Variants in NFATC3 observed in about 807,000 individuals in gnomAD.
The protein encoded by NFATC3 is nuclear factor of activated T-cells, cytoplasmic 3.
A neutral mutation model predicts 98.6 loss-of-function variants in NFATC3; 46 were observed. The observed-to-expected ratio is 0.47, with a 90% CI of 0.37 to 0.60. The LOEUF (loss-of-function observed/expected upper bound fraction) is 0.60, where lower values mean the gene tolerates loss of function less well. Ranked by LOEUF, NFATC3 falls within the 20% of genes least tolerant of loss-of-function variation. The probability of loss-of-function intolerance (pLI) is 0.00; values close to 1 mark genes in which losing one functional copy is unlikely to be tolerated. For missense variants in NFATC3, 1,256 were observed against 1,295.5 expected, an observed-to-expected ratio of 0.97 and a Z score of 0.47; for synonymous variants, 512 against 472.2, an observed-to-expected ratio of 1.08 and a Z score of -1.09.
At chr16:68,193,353 G>A (rs2040527214) in intron 9 of NFATC3, among the ~76,000 whole-genome samples, 1 of 152,134 alleles carries the variant, frequency 6.6e-6, no homozygotes, top group South Asian at 2.1e-4. Flanking sequence ...ACCAAATCAT[G>A]CATGCTCAAG....
intron 4 of NFATC3, among the ~76,000 whole-genome samples, chr16:68,161,135 C>T (rs1271719308): frequency 3.9e-5 from 6 of 152,178 alleles, no homozygotes; most frequent in African/African-American, 1.4e-4. Flanking sequence ...CATGCCCAAC[C>T]TCTGAATGAG....
chr16:68,106,516 TCCTGA>T lies in NFATC3; in HGVS notation c.104-15467_104-15463del, dbSNP rs1255319339. On this transcript the variant is annotated intron_variant, in intron 1 of 9. Transcript: ENST00000346183. ...CCTGTTGTCCAGGCTGGTCTCAAAC[TCCTGA>T]CCTTGTGATCTGCCCGCCTCGGCCT... Among the ~76,000 whole-genome samples, 8 of 152,136 alleles carry T rather than the reference TCCTGA, an allele frequency of 5.3e-5. No homozygotes were observed. In the South Asian group the frequency reaches 8.3e-4, roughly 16 times the overall value.
intron 2 of NFATC3, among the ~76,000 whole-genome samples, chr16:68,124,541 T>TCTC (rs2036733753): frequency 1.3e-5 from 2 of 151,150 alleles, no homozygotes; most frequent in Non-Finnish European, 2.9e-5. Context: ...CACCTACCAT[T>TCTC]CTCCTGCCTC....
intron 4 of NFATC3, among the ~76,000 whole-genome samples, chr16:68,163,667 G>A (rs1319667771): frequency 6.7e-6 from 1 of 149,254 alleles, no homozygotes; most frequent in African/African-American, 2.5e-5. Context: ...CGGGCGGAGG[G>A]TCTCCTCACT....
intron 3 of NFATC3, among the ~76,000 whole-genome samples, chr16:68,144,176 A>G (rs952754603): frequency 5.3e-5 from 8 of 152,218 alleles, no homozygotes; most frequent in African/African-American, 1.7e-4. Context: ...AAAAGATGCC[A>G]AAGACATGAA....
chr16:68,136,202 T>G (rs2037395985), intron 3 of NFATC3, among the ~76,000 whole-genome samples: 1 of 152,252 alleles, frequency 6.6e-6, no homozygotes, highest in Non-Finnish European at 1.5e-5. Context: ...GTGCTGCTAT[T>G]AATTGTAATA....
intron 3 of NFATC3, among the ~76,000 whole-genome samples, chr16:68,149,347 A>G (rs141876578): frequency 0.011 from 1,698 of 152,358 alleles, 10 homozygotes; most frequent in Middle Eastern, 0.024. Context: ...GTCCAGTAGA[A>G]GAGACCTGTA....
intron 9 of NFATC3, among the ~76,000 whole-genome samples, chr16:68,203,873 A>C (rs547600216): frequency 4.6e-5 from 7 of 152,156 alleles, no homozygotes; most frequent in Non-Finnish European, 8.8e-5. Flanking sequence ...CAACATGGTG[A>C]AACTTCGTCT....
At chr16:68,148,235 C>T (rs1452072302) in intron 3 of NFATC3, among the ~76,000 whole-genome samples, 2 of 152,066 alleles carry the variant, frequency 1.3e-5, no homozygotes, top group Non-Finnish European at 2.9e-5. Context: ...AGGCTGGTCT[C>T]GAACTCCCGA....
At chr16:68,150,771 G>A (rs1191819213) in intron 3 of NFATC3, among the ~76,000 whole-genome samples, 1 of 152,178 alleles carries the variant, frequency 6.6e-6, no homozygotes, top group Admixed American at 6.5e-5. Flanking sequence ...GAGGCCAGAT[G>A]GGGGTAATTG....
chr16:68,200,682 T>C (rs1166200118), intron 9 of NFATC3: 1 of 152,172 alleles, frequency 6.6e-6, no homozygotes, highest in Non-Finnish European at 1.5e-5. Context: ...GCATAGTTCA[T>C]GACTATTTTG....
chr16:68,120,114 CAAA>C (rs536178978), intron 1 of NFATC3, among the ~76,000 whole-genome samples: 2 of 57,918 alleles, frequency 3.5e-5, no homozygotes, highest in Admixed American at 2.0e-4. Flanking sequence ...CCTGTCTCTA[CAAA>C]AAAAAAAAAA....
chr16:68,116,710 G>A (rs918363632), intron 1 of NFATC3, among the ~76,000 whole-genome samples: 2 of 152,084 alleles, frequency 1.3e-5, no homozygotes, highest in African/African-American at 2.4e-5. Context: ...TTGGGAGAAG[G>A]GTGTGGTTTT....
intron 3 of NFATC3, among the ~76,000 whole-genome samples, chr16:68,155,578 T>C (rs1302326635): frequency 6.6e-6 from 1 of 152,118 alleles, no homozygotes; most frequent in African/African-American, 2.4e-5. Context: ...GAAGCATAGG[T>C]AGATCTCTGG....
Position 68,168,471 on chromosome 16 carries a change from T to TTTATTA in NFATC3, c.1774+1480_1774+1485dup, listed in dbSNP as rs141377197. Among the ~76,000 whole-genome samples, 157 of 148,020 alleles carry TTTATTA rather than the reference T, an allele frequency of 1.1e-3. 2 individuals are homozygous for TTTATTA. Among genetic ancestry groups the TTTATTA allele is most frequent in the Admixed American group, 2.9e-3 (43 of 14,874 alleles). On this transcript the variant is annotated intron_variant, in intron 5 of 9. Transcript: ENST00000346183. ...AGCCACTGCACCCAGCTTGTATTCT[T>TTTATTA]TTATTATTATTATTATTATTATTAT...
chr16:68,130,551 T>C (rs2037063070), intron 3 of NFATC3, among the ~76,000 whole-genome samples: 1 of 152,208 alleles, frequency 6.6e-6, no homozygotes, highest in Non-Finnish European at 1.5e-5. Context: ...TTCTTAGTAT[T>C]AATCCTTTGT....
chr16:68,168,183 C>T (rs535439254), intron 5 of NFATC3, among the ~76,000 whole-genome samples: 17 of 150,038 alleles, frequency 1.1e-4, no homozygotes, highest in Non-Finnish European at 1.8e-4. Context: ...TTTTTTGAGA[C>T]GGAGTCTCAC....
chr16:68,092,703 T>C (rs28508024), intron 1 of NFATC3, among the ~76,000 whole-genome samples: 27,784 of 151,878 alleles, frequency 0.18, 2,924 homozygotes, highest in African/African-American at 0.28. Flanking sequence ...CCAGTCTGGA[T>C]AACATAAGGA....
At chr16:68,195,098 C>CA (rs575356501) in intron 9 of NFATC3, among the ~76,000 whole-genome samples, 3,205 of 139,180 alleles carry the variant, frequency 0.023, 58 homozygotes, top group Non-Finnish European at 0.035. Context: ...ACTACAAATA[C>CA]AAAAAAAAAA....
Sources: gnomAD v4.1 joint callset for allele counts (sites outside exome capture counted in the v4.1 genomes callset) on GRCh38, gnomAD v4.1.1 for gene constraint, MANE v1.5 for transcripts, NCBI Gene and HGNC (gene_info 2026-07-23, HGNC 2026-07-21) for gene names.